Variants in MRC2 observed in about 807,000 individuals in gnomAD.
MRC2 encodes C-type mannose receptor 2.
In MRC2, 84 loss-of-function variants were observed where a neutral mutation model predicts 206.2. The ratio of observed to expected loss-of-function variants is 0.41; its 90% CI spans 0.34 to 0.49. The LOEUF is 0.49. Among genes scored for constraint, MRC2 ranks in the 20% least tolerant of loss-of-function variants. MRC2 has a pLI of 0.31. For synonymous variants in MRC2, 798 were observed against 800.0 expected (o/e 1.00, Z 0.04); for missense variants, 1,676 against 2,001.5 (o/e 0.84, Z 3.10).
intron 27 of MRC2, 86 bp from the exon 28 acceptor site, chr17:62,690,863 G>A (rs2089101200): frequency 9.4e-6 from 14 of 1,489,124 alleles, no homozygotes; most frequent in Non-Finnish European, 1.2e-5. Context: ...CGGGGGACAG[G>A]GAGTCGGTTC....
intron 6 of MRC2, among the ~76,000 whole-genome samples, chr17:62,668,389 TAAAAAAA>T (rs529140401): frequency 1.5e-5 from 2 of 132,904 alleles, no homozygotes; most frequent in African/African-American, 5.7e-5. Context: ...TAAATAAATT[TAAAAAAA>T]AAAAGAAAAA....
At position 62,666,493 on chromosome 17, in the gene MRC2, A is replaced by G. The variant is rs747812874; in HGVS notation, c.733A>G (p.Thr245Ala). Residue 245 changes from threonine to alanine, a missense_variant, in exon 4 of 30, where the codon ACT becomes GCT. By Grantham distance (58) the Thr-to-Ala change is moderately conservative (BLOSUM62 0). Coordinates refer to ENST00000303375, the MANE Select transcript of MRC2 (RefSeq NM_006039.5). The surrounding 1 kb of genome is among the most constrained non-coding windows in gnomAD (Gnocchi z 5.0). ...CETFWDKDQL[T>A]DSCYQFNFQS... ...GACCTTCTGGGACAAGGACCAGCTG[A>G]CTGACAGCTGCTACCAGTTTAACTT... The G allele has an allele frequency of 1.1e-5, 17 of 1,613,912 alleles. No homozygotes were observed. The highest frequency in any genetic ancestry group is 1.2e-5 in the Non-Finnish European group (14 of 1,180,010).
At chr17:62,644,977 G>A (rs2088457746) in intron 1 of MRC2, among the ~76,000 whole-genome samples, 1 of 152,092 alleles carries the variant, frequency 6.6e-6, no homozygotes, top group Non-Finnish European at 1.5e-5. Context: ...GAGGGGTGGA[G>A]GGTTCAAACG....
chr17:62,661,147 G>A (rs963102608), intron 1 of MRC2, among the ~76,000 whole-genome samples: 12 of 152,206 alleles, frequency 7.9e-5, no homozygotes, highest in Non-Finnish European at 1.3e-4. Flanking sequence ...AGGTCAAAGC[G>A]ACTTGAGCAA....
chr17:62,628,068 C>T (rs943623191), intron 1 of MRC2, 148 bp downstream of exon 1: 3 of 535,718 alleles, frequency 5.6e-6, no homozygotes, highest in Non-Finnish European at 8.9e-6. Context: ...TAAAACTCGT[C>T]TCCGCTTTTC....
rs1458371185 is a variant in MRC2 at position 62,664,007 on chromosome 17, T to G, written c.119-541T>G. Among the ~76,000 whole-genome samples, 1 of 145,962 alleles carries G rather than the reference T, an allele frequency of 6.9e-6. No individual in the cohort carries two copies. Among genetic ancestry groups the G allele is most frequent in the Non-Finnish European group, 1.5e-5 (1 of 66,954 alleles). On this transcript the variant is annotated intron_variant, in intron 1 of 29. Coordinates refer to ENST00000303375, the MANE Select transcript of MRC2 (RefSeq NM_006039.5). The surrounding 1 kb of genome is among the most constrained non-coding windows in gnomAD (Gnocchi z 4.7). ...CGGAGTCTCGCTCTGTCGCCCAGGCTGGAGTGCAGTGGCGGGATCTCGGCT... is the reference window on the plus strand; with the variant it reads ...CGGAGTCTCGCTCTGTCGCCCAGGCGGGAGTGCAGTGGCGGGATCTCGGCT...
chr17:62,682,190 C>T, intron 19 of MRC2, 45 bp from the exon 20 acceptor site: 1 of 1,507,170 alleles, frequency 6.6e-7, no homozygotes, highest in Non-Finnish European at 8.9e-7. Flanking sequence ...ATGCCCTGCC[C>T]TGCTCTGCCC....
intron 1 of MRC2, among the ~76,000 whole-genome samples, chr17:62,639,861 C>A (rs1395299958): frequency 6.7e-6 from 1 of 149,952 alleles, no homozygotes; most frequent in Non-Finnish European, 1.5e-5. Flanking sequence ...GCTAATGATT[C>A]TTTTTTTTTG....
intron 1 of MRC2, among the ~76,000 whole-genome samples, chr17:62,641,739 T>C (rs2088406796): frequency 6.6e-6 from 1 of 152,192 alleles, no homozygotes; most frequent in African/African-American, 2.4e-5. Flanking sequence ...AGACTTAATG[T>C]TGAATGGGGG....
chr17:62,668,303 G>T (rs1167161613), intron 6 of MRC2, among the ~76,000 whole-genome samples: 1 of 149,976 alleles, frequency 6.7e-6, no homozygotes, highest in South Asian at 2.1e-4. Context: ...AGTGAGCCTC[G>T]CTTGCACCAC....
chr17:62,670,832 G>C (rs2088818331), intron 6 of MRC2, among the ~76,000 whole-genome samples: 1 of 152,106 alleles, frequency 6.6e-6, no homozygotes, highest in South Asian at 2.1e-4. Flanking sequence ...TGGTGGGCTT[G>C]CCTGGGCCCC....
At chr17:62,681,637 C>T in intron 18 of MRC2, 200 bp from the exon 19 acceptor site, 1 of 557,198 alleles carries the variant, frequency 1.8e-6, no homozygotes, top group East Asian at 3.2e-5. Flanking sequence ...CCAGGGACAG[C>T]TGGGGCCTTA....
chr17:62,656,717 A>G (rs1200288939), intron 1 of MRC2, among the ~76,000 whole-genome samples: 2 of 152,180 alleles, frequency 1.3e-5, no homozygotes, highest in Admixed American at 6.5e-5. Flanking sequence ...GGAAATAAGG[A>G]GAATGGGACA....
Position 62,664,320 on chromosome 17 carries a change from G to C in MRC2, c.119-228G>C, listed in dbSNP as rs1158811625. ...CCTCCCTCCTGGTGAGCAGGGGCTA[G>C]AACAGAGGTAGTCCTGCAGGCCTCT... On this transcript the variant is annotated intron_variant, in intron 1 of 29. Transcript: ENST00000303375. This position sits in a 1 kb window ranked among gnomAD's most constrained non-coding sequence, Gnocchi z 4.7. 6.6e-6 allele frequency among the ~76,000 whole-genome samples: 1 copy of C among 152,206 alleles called. No homozygotes were observed. The highest frequency in any genetic ancestry group is 1.5e-5 in the Non-Finnish European group (1 of 68,032).
Position 62,680,027 on chromosome 17 carries a change from A to T in MRC2, c.2298+125A>T, listed in dbSNP as rs1430843198. 6.7e-6 allele frequency: 10 copies of T among 1,496,136 alleles called. No homozygotes were observed. The highest frequency in any genetic ancestry group is 3.8e-5 in the Admixed American group (2 of 52,810). 92.7% of individuals were successfully genotyped at this position (1,496,136 alleles called of 1,614,324 possible). The stretch of plus-strand genomic sequence containing the variant: ...CGGGCCCCCAGTCGGAGCCGGCTTC[A>T]GGAAAGCAGGTCCGAGAGGGGTCAC... On this transcript the variant is annotated intron_variant, in intron 14 of 29. Transcript: ENST00000303375. This position sits in a 1 kb window ranked among gnomAD's most constrained non-coding sequence, Gnocchi z 4.8.
chr17:62,657,354 G>T (rs2088630330), intron 1 of MRC2, among the ~76,000 whole-genome samples: 1 of 152,198 alleles, frequency 6.6e-6, no homozygotes, highest in African/African-American at 2.4e-5. Flanking sequence ...TTGGATGAAT[G>T]AATGAATAAA....
rs143813537 is a variant in MRC2, at chr17:62,688,323, G to C, written c.2981G>C (p.Arg994Pro). The C allele has an allele frequency of 6.2e-7, 1 of 1,614,158 alleles. No individual in the cohort carries two copies. Among genetic ancestry groups the C allele is most frequent in the Non-Finnish European group, 8.5e-7 (1 of 1,180,036 alleles). ...FQVQGQEPQS[R>P]VKWSEAQFSC... is the part of the protein sequence containing the mutation. ...GTCCAGGGCCAGGAACCCCAGAGCC[G>C]GGTGAAGTGGTCAGAGGCACAGTTC... Residue 994 changes from arginine to proline, a missense_variant, in exon 21 of 30, where the codon CGG becomes CCG. Physicochemically the swap from Arg to Pro is moderately radical, Grantham distance 103. Coordinates refer to ENST00000303375, the MANE Select transcript of MRC2 (RefSeq NM_006039.5).
At chr17:62,648,660 G>A (rs765282325) in intron 1 of MRC2, among the ~76,000 whole-genome samples, 3 of 152,196 alleles carry the variant, frequency 2.0e-5, no homozygotes, top group African/African-American at 7.2e-5. Context: ...AGAGTTCAAA[G>A]ACAGAAACAT....
intron 20 of MRC2, among the ~76,000 whole-genome samples, chr17:62,686,112 G>A (rs958907556): frequency 4.6e-5 from 7 of 152,108 alleles, no homozygotes; most frequent in Middle Eastern, 3.2e-3. Context: ...TAAGGAGCAC[G>A]CAACCTAGAT....
Sources: allele counts gnomAD v4.1 joint callset (sites outside exome capture counted in the v4.1 genomes callset), GRCh38; gene constraint gnomAD v4.1.1; non-coding constraint Gnocchi (gnomAD v3.1); transcripts MANE v1.5; gene names NCBI Gene and HGNC (gene_info 2026-07-23, HGNC 2026-07-21).